FANCM: variants seen among roughly 807,000 people sequenced by gnomAD.
FANCM encodes the protein Fanconi anemia group M protein.
A neutral mutation model predicts 199.5 loss-of-function variants in FANCM; 140 were observed. That is an observed-to-expected ratio of 0.70 (90% CI 0.61 to 0.81). The LOEUF is 0.81. Among genes scored for constraint, FANCM ranks in the 30% least tolerant of loss-of-function variants. The pLI is 0.00. For missense variants in FANCM, 2,410 were observed against 2,421.4 expected, an observed-to-expected ratio of 1.00 and a Z score of 0.10; for synonymous variants, 840 against 836.8, an observed-to-expected ratio of 1.00 and a Z score of -0.07.
chr14:45,182,473 G>C (rs1889130875), intron 16 of FANCM, among the ~76,000 whole-genome samples: 1 of 152,190 alleles, frequency 6.6e-6, no homozygotes, highest in Non-Finnish European at 1.5e-5. Flanking sequence ...TGGCAAGTGT[G>C]TCACGGATTT....
chr14:45,142,367 C>A (rs111947975), intron 3 of FANCM, among the ~76,000 whole-genome samples: 58 of 150,372 alleles, frequency 3.9e-4, no homozygotes, highest in African/African-American at 1.4e-3. Flanking sequence ...AGTGCAATGG[C>A]ATGATCTCGG....
In FANCM at chr14:45,175,084, A is replaced by C. The variant is rs200173413; in HGVS notation, c.2330A>C (p.Tyr777Ser). Residue 777 changes from tyrosine to serine, a missense_variant, in exon 14 of 23, where the codon TAT becomes TCT. Transcript: ENST00000267430. Reference sequence around the variant, plus strand: ...CCTTATTTATAGGGAGAATGCAGCTATGAATTGGAAGTTGAATCTTATTTA... The same window carrying C: ...CCTTATTTATAGGGAGAATGCAGCTCTGAATTGGAAGTTGAATCTTATTTA... Reference protein sequence around the residue: ...GMRHEEGECSYELEVESYLQM... With the variant: ...GMRHEEGECSSELEVESYLQM... 5 of 1,607,634 alleles carry C rather than the reference A, an allele frequency of 3.1e-6. No homozygotes were observed. The highest frequency in any genetic ancestry group is 3.4e-6 in the Non-Finnish European group (4 of 1,174,986).
chr14:45,151,161 T>A (rs187820010), intron 4 of FANCM, among the ~76,000 whole-genome samples: 2 of 152,292 alleles, frequency 1.3e-5, no homozygotes, highest in East Asian at 3.9e-4. Context: ...GATAAACGAA[T>A]GTGTTGTTAA....
intron 4 of FANCM, among the ~76,000 whole-genome samples, 157 bp downstream of exon 4, chr14:45,149,152 C>G (rs1019455903): frequency 3.3e-5 from 5 of 152,090 alleles, no homozygotes; most frequent in Non-Finnish European, 7.4e-5. Context: ...GGAATGAGCA[C>G]TGTGTTTTGT....
At position 45,136,210 on chromosome 14, in the gene FANCM, C is replaced by A. The variant is rs200717151; in HGVS notation, c.179C>A (p.Ala60Glu). ...LESDDDVLLV[A>E]AYEAERQLCL... is the part of the protein sequence containing the mutation. ...TCGGACGATGATGTGTTGCTTGTCG[C>A]GGCGTACGAGGCTGAGCGGCAGTTG... Residue 60 changes from alanine to glutamate, a missense_variant, in exon 1 of 23, where the codon GCG (alanine) becomes GAG (glutamate). Transcript: ENST00000267430. 84 of 1,614,124 alleles carry A rather than the reference C, an allele frequency of 5.2e-5. 1 individual carries two copies. In the Middle Eastern group the frequency reaches 9.9e-4, roughly 19 times the overall value.
chr14:45,158,454 CAT>C (rs1284319067), intron 8 of FANCM, among the ~76,000 whole-genome samples: 1 of 142,794 alleles, frequency 7.0e-6, no homozygotes, highest in African/African-American at 2.5e-5. Flanking sequence ...CCAGCACAGA[CAT>C]ATCGGGAGCA....
At chr14:45,136,599 A>T in intron 1 of FANCM, 60 bp downstream of exon 1, 1 of 1,521,340 alleles carries the variant, frequency 6.6e-7, no homozygotes, top group Non-Finnish European at 9.1e-7. Flanking sequence ...CATGTGGAAT[A>T]GTTCCCAAGC....
Position 45,156,874 on chromosome 14 carries a change from C to T in FANCM, c.1396+1415C>T, listed in dbSNP as rs534435718. Among the ~76,000 whole-genome samples, 24 of 143,982 alleles carry T rather than the reference C, an allele frequency of 1.7e-4. 1 individual carries two copies. The East Asian group carries it at 2.6e-3, about 16-fold the overall frequency. The allele number at this position is 143,982 out of a possible 152,430, so 94.5% of individuals were successfully genotyped here. A position where few individuals can be genotyped will look rare whatever the true frequency, so the allele number is the denominator to read the frequency against. On this transcript the variant is annotated intron_variant, in intron 8 of 22. Transcript: ENST00000267430. ...CGGAGGTTGCGGTAAGCCAAGATTG[C>T]GCCACTGCACTGCAGCCTGGCAAAA... is the stretch of plus-strand genomic sequence containing the variant.
chr14:45,148,184 G>A (rs575815302), intron 3 of FANCM, among the ~76,000 whole-genome samples: 8 of 143,500 alleles, frequency 5.6e-5, no homozygotes, highest in South Asian at 4.3e-4. Flanking sequence ...GTGACAGAAC[G>A]AGGCACCGTC....
chr14:45,189,414 C>A, intron 20 of FANCM, 52 bp downstream of exon 20: 1 of 1,380,444 alleles, frequency 7.2e-7, no homozygotes, highest in Non-Finnish European at 1.0e-6. Flanking sequence ...AGAAGTTTTT[C>A]TTTTTCTTTC....
At chr14:45,164,935 T>C (rs1389358735) in intron 10 of FANCM, among the ~76,000 whole-genome samples, 2 of 152,196 alleles carry the variant, frequency 1.3e-5, no homozygotes, top group Non-Finnish European at 2.9e-5. Context: ...ATTTTTTCCT[T>C]TTCAAGGGCT....
chr14:45,189,674 G>T (rs1410955260), intron 20 of FANCM, among the ~76,000 whole-genome samples: 1 of 152,104 alleles, frequency 6.6e-6, no homozygotes, highest in Admixed American at 6.6e-5. Context: ...TATGTGTTCA[G>T]AGTTAGTTCC....
At position 45,185,224 on chromosome 14, in the gene FANCM, C is replaced by A; in HGVS notation, c.4523C>A (p.Ala1508Asp). The change falls in exon 18 of 23, where the codon GCT becomes GAT. Residue 1508 changes from alanine to aspartate, a missense_variant. Transcript: ENST00000267430. ...PKRQSHLKHV[A>D]RKFLDDEAEL... is the part of the protein sequence containing the mutation. Reference sequence around the variant, plus strand: ...CTAATTTGTCTTACTTAGCATGTAGCTAGGAAGTTTTTAGATGATGAAGCA... The same window carrying A: ...CTAATTTGTCTTACTTAGCATGTAGATAGGAAGTTTTTAGATGATGAAGCA... 1 of 1,592,136 alleles carries A rather than the reference C, an allele frequency of 6.3e-7. No individual in the cohort carries two copies. The highest frequency in any genetic ancestry group is 8.6e-7 in the Non-Finnish European group (1 of 1,162,308).
chr14:45,183,061 C>G (rs368006501), intron 16 of FANCM, among the ~76,000 whole-genome samples: 1 of 152,072 alleles, frequency 6.6e-6, no homozygotes. Flanking sequence ...GTTGAACCAT[C>G]GTAAGTTGGG....
Position 45,156,916 on chromosome 14 carries a change from CAAAAAAAAAAA to C in FANCM, c.1396+1469_1396+1479del, listed in dbSNP as rs535786477. Among the ~76,000 whole-genome samples, 23 of 47,800 alleles carry C rather than the reference CAAAAAAAAAAA, an allele frequency of 4.8e-4. 1 individual carries two copies. Among genetic ancestry groups the C allele is most frequent in the African/African-American group, 1.5e-3 (22 of 14,312 alleles). 31.4% of individuals were successfully genotyped at this position (47,800 alleles called of 152,430 possible). On this transcript the variant is annotated intron_variant, in intron 8 of 22. Transcript: ENST00000267430. ...CTGGCAAAAGAGTGAGACTCTGTCT[CAAAAAAAAAAA>C]AAAAAAAAAAAGGAAAAAAGGAATC...
At chr14:45,158,467 G>A (rs1418269574) in intron 8 of FANCM, among the ~76,000 whole-genome samples, 1 of 151,276 alleles carries the variant, frequency 6.6e-6, no homozygotes, top group African/African-American at 2.4e-5. Context: ...ATCGGGAGCA[G>A]CTTTGGAATT....
intron 2 of FANCM, among the ~76,000 whole-genome samples, chr14:45,138,547 A>C (rs1325019208): frequency 1.3e-5 from 2 of 152,050 alleles, no homozygotes; most frequent in Non-Finnish European, 2.9e-5. Flanking sequence ...AAAAAATTTT[A>C]GCTTGAGGCC....
intron 2 of FANCM, among the ~76,000 whole-genome samples, chr14:45,140,293 G>A (rs1013550113): frequency 6.6e-6 from 1 of 152,000 alleles, no homozygotes; most frequent in African/African-American, 2.4e-5. Flanking sequence ...GAACTCTTGA[G>A]CTAAAGTGAA....
intron 3 of FANCM, 112 bp downstream of exon 3, chr14:45,140,821 A>G: frequency 1.3e-6 from 1 of 748,832 alleles, no homozygotes; most frequent in South Asian, 1.5e-5. Flanking sequence ...TGGGAGGATC[A>G]CTTGAGGCCA....
Sources: gnomAD v4.1 joint callset for allele counts (sites outside exome capture counted in the v4.1 genomes callset) on GRCh38, gnomAD v4.1.1 for gene constraint, MANE v1.5 for transcripts, NCBI Gene and HGNC (gene_info 2026-07-23, HGNC 2026-07-21) for gene names.